LCOR: variants seen among roughly 807,000 people sequenced by gnomAD.
The protein encoded by LCOR is ligand-dependent corepressor.
Under a neutral mutation model 64.4 loss-of-function variants are expected in LCOR, and 14 were observed. That is an observed-to-expected ratio of 0.22 (90% CI 0.14 to 0.34). The LOEUF (loss-of-function observed/expected upper bound fraction) is 0.34, where lower values mean the gene tolerates loss of function less well. Ranked by LOEUF, LCOR falls within the 10% of genes least tolerant of loss-of-function variation. LCOR has a pLI of 1.00. For synonymous variants in LCOR, 643 were observed against 642.5 expected (o/e 1.00, Z -0.01); for missense variants, 1,686 against 1,765.3 (o/e 0.96, Z 0.80).
At chr10:96,965,683 A>C (rs911205487) in intron 7 of LCOR, among the ~76,000 whole-genome samples, 1 of 150,976 alleles carries the variant, frequency 6.6e-6, no homozygotes, top group African/African-American at 2.4e-5. Flanking sequence ...AAAAAAAAAA[A>C]AGACGGGCTA....
intron 2 of LCOR, among the ~76,000 whole-genome samples, chr10:96,884,097 T>C (rs1458745415): frequency 6.6e-6 from 1 of 152,216 alleles, no homozygotes; most frequent in Non-Finnish European, 1.5e-5. Context: ...CAGGGACTTC[T>C]GAAGATTCAG....
In LCOR at chr10:96,868,155, A is replaced by G. The variant is rs1278535429; in HGVS notation, c.-330+34676A>G. On this transcript the variant is annotated intron_variant, in intron 2 of 7. Transcript: ENST00000421806. The stretch of plus-strand genomic sequence containing the variant: ...CGCCTCGGCCTCCCAAAGTGCTGGG[A>G]TTACAGGCGTGAGCCACCGCACCGG... 5.3e-5 allele frequency among the ~76,000 whole-genome samples: 8 copies of G among 152,144 alleles called. No homozygotes were observed. The East Asian group carries it at 1.3e-3, about 26-fold the overall frequency.
At position 96,982,183 on chromosome 10, in the gene LCOR, C is replaced by A; in HGVS notation, c.1723C>A (p.His575Asn). ...PEEPSKEITS[H>N]EEGGGDVSPR... ...AGAACCTAGCAAGGAAATCACCTCT[C>A]ACGAGGAAGGAGGTGGAGACGTTTC... Residue 575 changes from histidine (H) to asparagine (N), a missense_variant, in exon 8 of 8, where the codon CAC (histidine) becomes AAC (asparagine). By Grantham distance (68) the His-to-Asn change is moderately conservative. Around this residue, in one of 3 missense-constraint regions of LCOR, gnomAD observed 1,293 missense variants for 1,410.4 expected, o/e 0.92. Transcript: ENST00000421806. 1 of 1,614,134 alleles carries A rather than the reference C, an allele frequency of 6.2e-7. No homozygotes were observed. The highest frequency in any genetic ancestry group is 8.5e-7 in the Non-Finnish European group (1 of 1,180,010).
At chr10:96,833,150 G>A (rs1295005956) in intron 1 of LCOR, 12 of 985,574 alleles carry the variant, frequency 1.2e-5, no homozygotes, top group Non-Finnish European at 1.3e-5. Flanking sequence ...GTGTCGTGCT[G>A]CGGGAGGAGG....
chr10:96,890,923 T>C (rs774450379), intron 2 of LCOR, among the ~76,000 whole-genome samples: 35 of 152,236 alleles, frequency 2.3e-4, no homozygotes, highest in Non-Finnish European at 4.3e-4. Flanking sequence ...GGTCATATGC[T>C]GCTAAATTTT....
chr10:96,866,614 CTT>C (rs747625292), intron 2 of LCOR, among the ~76,000 whole-genome samples: 3 of 152,122 alleles, frequency 2.0e-5, no homozygotes, highest in Non-Finnish European at 4.4e-5. Flanking sequence ...GAGTTTTGCT[CTT>C]GTTGCCCAGG....
chr10:96,922,769 A>G (rs1258676090), intron 4 of LCOR, among the ~76,000 whole-genome samples: 2 of 152,244 alleles, frequency 1.3e-5, no homozygotes, highest in Non-Finnish European at 2.9e-5. Context: ...ATACTGGTCA[A>G]TTAACTAGTG....
intron 2 of LCOR, among the ~76,000 whole-genome samples, chr10:96,855,579 C>T (rs536971918): frequency 2.6e-5 from 4 of 151,868 alleles, no homozygotes; most frequent in South Asian, 2.1e-4. Flanking sequence ...GGATTACAGG[C>T]GCCCACCACC....
intron 4 of LCOR, among the ~76,000 whole-genome samples, chr10:96,917,286 A>G (rs1209993167): frequency 1.3e-5 from 2 of 152,246 alleles, no homozygotes; most frequent in Non-Finnish European, 2.9e-5. Context: ...GCCAGAGAAG[A>G]TAACAGAGAA....
chr10:96,851,310 C>T (rs1845718280), intron 2 of LCOR, among the ~76,000 whole-genome samples: 1 of 152,164 alleles, frequency 6.6e-6, no homozygotes, highest in Admixed American at 6.5e-5. Flanking sequence ...ACCGTGTAAC[C>T]AGGGTATCCT....
intron 2 of LCOR, among the ~76,000 whole-genome samples, chr10:96,878,602 T>C (rs991372224): frequency 1.2e-4 from 18 of 152,188 alleles, no homozygotes; most frequent in Admixed American, 2.6e-4. Flanking sequence ...GAATTCAGTT[T>C]TGACTACCTT....
intron 2 of LCOR, among the ~76,000 whole-genome samples, chr10:96,845,164 TA>T: frequency 6.6e-6 from 1 of 152,254 alleles, no homozygotes; most frequent in East Asian, 1.9e-4. Flanking sequence ...TGATAACTCA[TA>T]CATCATTGGT....
chr10:96,968,012 A>G (rs968905950), intron 7 of LCOR, among the ~76,000 whole-genome samples: 2 of 152,148 alleles, frequency 1.3e-5, no homozygotes, highest in African/African-American at 4.8e-5. Context: ...TGAGGCTTAG[A>G]CATGTTTAGT....
chr10:96,866,255 A>G (rs1845972108), intron 2 of LCOR, among the ~76,000 whole-genome samples: 7 of 152,144 alleles, frequency 4.6e-5, no homozygotes, highest in Admixed American at 4.6e-4. Flanking sequence ...GCCACTCCTC[A>G]TTCTGTCTCC....
At position 96,949,232 on chromosome 10, in the gene LCOR, G is replaced by T. The variant is rs1589677041; in HGVS notation, c.175G>T (p.Ala59Ser). Reference sequence around the variant, plus strand: ...CCCTGTGCTCAGCAAACTTCTCATGGCTGACCAAGACTCACCTCTGGACCT... The same window carrying T: ...CCCTGTGCTCAGCAAACTTCTCATGTCTGACCAAGACTCACCTCTGGACCT... Reference protein sequence around the residue: ...QNPVLSKLLMADQDSPLDLTV... With the variant: ...QNPVLSKLLMSDQDSPLDLTV... The change falls in exon 6 of 8, where the codon GCT becomes TCT. Residue 59 changes from alanine to serine, a missense_variant. This residue lies in a region of LCOR where 80 missense variants were observed against 107.7 expected (regional missense o/e 0.74). Transcript: ENST00000421806. 2 of 1,614,066 alleles carry T rather than the reference G, an allele frequency of 1.2e-6. No individual in the cohort carries two copies. The highest frequency in any genetic ancestry group is 1.7e-6 in the Non-Finnish European group (2 of 1,180,002).
chr10:96,930,229 T>G (rs1847233969), intron 4 of LCOR, among the ~76,000 whole-genome samples: 2 of 152,234 alleles, frequency 1.3e-5, no homozygotes, highest in Admixed American at 1.3e-4. Context: ...CTGTGTTGTA[T>G]GCCATTGATC....
intron 2 of LCOR, among the ~76,000 whole-genome samples, chr10:96,867,280 A>C (rs1210647598): frequency 6.6e-6 from 1 of 152,200 alleles, no homozygotes; most frequent in Non-Finnish European, 1.5e-5. Context: ...GGCGTGAGCC[A>C]CTGTGCCCGG....
At chr10:96,976,146 A>G (rs1848038704) in intron 7 of LCOR, among the ~76,000 whole-genome samples, 1 of 152,136 alleles carries the variant, frequency 6.6e-6, no homozygotes, top group Admixed American at 6.5e-5. Flanking sequence ...CTGCTCTTAC[A>G]CGTTGTCCCT....
At chr10:96,914,515 C>A (rs368809070) in intron 4 of LCOR, among the ~76,000 whole-genome samples, 11 of 152,324 alleles carry the variant, frequency 7.2e-5, no homozygotes, top group African/African-American at 2.4e-4. Flanking sequence ...TATTTTAATA[C>A]ATTGAAAGTT....
Sources: allele counts gnomAD v4.1 joint callset (sites outside exome capture counted in the v4.1 genomes callset), GRCh38; gene constraint gnomAD v4.1.1; regional missense constraint gnomAD v4.1.1; transcripts MANE v1.5; gene names NCBI Gene and HGNC (gene_info 2026-07-23, HGNC 2026-07-21).